VIRMA: variants seen among roughly 807,000 people sequenced by gnomAD.
The protein encoded by VIRMA is vir like m6A methyltransferase associated, also known as protein virilizer homolog.
A neutral mutation model predicts 182.4 loss-of-function variants in VIRMA; 65 were observed. The ratio of observed to expected loss-of-function variants is 0.36; its 90% CI spans 0.29 to 0.44. The LOEUF (loss-of-function observed/expected upper bound fraction) is 0.44, where lower values mean the gene tolerates loss of function less well. Ranked by LOEUF, VIRMA falls within the 20% of genes least tolerant of loss-of-function variation. The pLI is 1.00. For missense variants in VIRMA, 1,752 were observed against 2,158.1 expected, an observed-to-expected ratio of 0.81 and a Z score of 3.73; for synonymous variants, 709 against 743.1, an observed-to-expected ratio of 0.95 and a Z score of 0.75.
chr8:94,524,311 T>A (rs199574858), intron 8 of VIRMA, among the ~76,000 whole-genome samples: 8,604 of 150,366 alleles, frequency 0.057, 282 homozygotes, highest in South Asian at 0.09. Context: ...TGTTTGTTTG[T>A]TTGTTTGTTT....
At chr8:94,515,014 T>A in intron 10 of VIRMA, 63 bp from the exon 11 acceptor site, 1 of 841,460 alleles carries the variant, frequency 1.2e-6, no homozygotes, top group Non-Finnish European at 1.8e-6. Flanking sequence ...AGAAAGTAAA[T>A]ATTTTTTCCA....
At chr8:94,518,677 C>T (rs1232797222) in intron 9 of VIRMA, among the ~76,000 whole-genome samples, 1 of 152,190 alleles carries the variant, frequency 6.6e-6, no homozygotes. Context: ...GGAATATATA[C>T]CTTAAGGTAC....
intron 1 of VIRMA, among the ~76,000 whole-genome samples, chr8:94,549,665 T>C (rs750129549): frequency 1.3e-5 from 2 of 152,210 alleles, no homozygotes; most frequent in Non-Finnish European, 2.9e-5. Flanking sequence ...GTAGTTCCAC[T>C]GGGACACAGC....
chr8:94,553,437 T>C lies in VIRMA; in HGVS notation c.11A>G (p.Asp4Gly), dbSNP rs368348250. The C allele has an allele frequency of 1.2e-6, 2 of 1,613,876 alleles. No homozygotes were observed. Among genetic ancestry groups the C allele is most frequent in the South Asian group, 1.1e-5 (1 of 91,056 alleles). MAV[D>G]SAMELLFLDT... ...TAAAAATAACAGCTCCATCGCCGAG[T>C]CCACCGCCATGTTTGCCGCGGGCGG... The change falls in exon 1 of 24, where the codon GAC becomes GGC. Residue 4 changes from aspartate to glycine, a missense_variant. Physicochemically the swap from Asp to Gly is moderately conservative, Grantham distance 94. Around this residue, in one of 11 missense-constraint regions of VIRMA, gnomAD observed 195 missense variants for 191.7 expected, o/e 1.02. Transcript: ENST00000297591.
At chr8:94,490,980 G>GT (rs1336431818) in intron 22 of VIRMA, among the ~76,000 whole-genome samples, 4 of 151,958 alleles carry the variant, frequency 2.6e-5, no homozygotes, top group Non-Finnish European at 5.9e-5. Flanking sequence ...TGAAAATAAT[G>GT]TAAGGGTATT....
At chr8:94,496,670 CA>C in intron 17 of VIRMA, 190 bp from the exon 18 acceptor site, 2 of 452,180 alleles carry the variant, frequency 4.4e-6, no homozygotes, top group Non-Finnish European at 7.7e-6. Context: ...GTAAGACTCA[CA>C]AAATATTTAA....
chr8:94,510,522 T>A lies in VIRMA; in HGVS notation c.3521A>T (p.Gln1174Leu). The stretch of plus-strand genomic sequence containing the variant: ...AACACAAATACGCCGTAACATATGT[T>A]GAATGGGCTGGCAGGTTGTGCCAGA... ...SFSGTTCQPI[Q>L]HMLRRICVQL... Residue 1174 changes from glutamine (Q) to leucine (L), a missense_variant, in exon 14 of 24, where the codon CAA becomes CTA. By Grantham distance (113) the Gln-to-Leu change is moderately radical (BLOSUM62 -2). Around this residue, in one of 11 missense-constraint regions of VIRMA, gnomAD observed 777 missense variants for 920.6 expected, o/e 0.84. Coordinates refer to ENST00000297591, the MANE Select transcript of VIRMA (RefSeq NM_015496.5). 6.2e-7 allele frequency: 1 copy of A among 1,614,160 alleles called. No homozygotes were observed. The highest frequency in any genetic ancestry group is 8.5e-7 in the Non-Finnish European group (1 of 1,180,022).
At chr8:94,494,830 T>C in intron 20 of VIRMA, 30 bp downstream of exon 20, 6 of 1,244,422 alleles carry the variant, frequency 4.8e-6, no homozygotes, top group Non-Finnish European at 6.9e-6. Context: ...AACAATAACG[T>C]TTTTCTAAAT....
intron 17 of VIRMA, 190 bp from the exon 18 acceptor site, chr8:94,496,670 C>T (rs1813791085): frequency 2.2e-6 from 1 of 452,180 alleles, no homozygotes; most frequent in Non-Finnish European, 3.8e-6. Flanking sequence ...GTAAGACTCA[C>T]AAAATATTTA....
chr8:94,510,463 G>T lies in VIRMA; in HGVS notation c.3580C>A (p.Leu1194Met). 2 of 1,614,064 alleles carry T rather than the reference G, an allele frequency of 1.2e-6. No individual in the cohort carries two copies. Among genetic ancestry groups the T allele is most frequent in the Non-Finnish European group, 1.7e-6 (2 of 1,179,974 alleles). Residue 1194 changes from leucine to methionine, a missense_variant, in exon 14 of 24, where the codon CTG becomes ATG. By Grantham distance (15) the Leu-to-Met change is conservative. This residue lies in a region of VIRMA where 777 missense variants were observed against 920.6 expected (regional missense o/e 0.84). Coordinates refer to ENST00000297591, the MANE Select transcript of VIRMA (RefSeq NM_015496.5). ...AAATCCAACACAGTTCTCATAATCAGAAGTGCAGTTGGTGAGGCAAGGTCA... is the reference window on the plus strand; with the variant it reads ...AAATCCAACACAGTTCTCATAATCATAAGTGCAGTTGGTGAGGCAAGGTCA... Reference protein sequence around the residue: ...LCDLASPTALLIMRTVLDLIV... With the variant: ...LCDLASPTALMIMRTVLDLIV...
At chr8:94,509,996 T>A in intron 14 of VIRMA, 56 bp from the exon 15 acceptor site, 1 of 1,463,018 alleles carries the variant, frequency 6.8e-7, no homozygotes, top group Non-Finnish European at 9.2e-7. Flanking sequence ...AGGCATTGTT[T>A]AACTAGTATT....
At chr8:94,544,360 C>T (rs914885828) in intron 1 of VIRMA, among the ~76,000 whole-genome samples, 4 of 152,082 alleles carry the variant, frequency 2.6e-5, no homozygotes, top group African/African-American at 7.2e-5. Flanking sequence ...TGCAGCCACA[C>T]GTATCAACAT....
At chr8:94,528,888 CA>C (rs1392982512) in intron 7 of VIRMA, among the ~76,000 whole-genome samples, 181 bp downstream of exon 7, 1 of 152,232 alleles carries the variant, frequency 6.6e-6, no homozygotes, top group Admixed American at 6.5e-5. Flanking sequence ...TTAAAGTAAA[CA>C]CACAAAGCAG....
chr8:94,507,691 T>G (rs970801086), intron 15 of VIRMA, among the ~76,000 whole-genome samples: 16 of 151,224 alleles, frequency 1.1e-4, no homozygotes, highest in Non-Finnish European at 1.5e-4. Context: ...GAGGCGGAGG[T>G]TGCACTGAGC....
intron 15 of VIRMA, among the ~76,000 whole-genome samples, chr8:94,507,827 T>A (rs540447743): frequency 1.3e-5 from 2 of 151,516 alleles, no homozygotes; most frequent in Non-Finnish European, 2.9e-5. Context: ...ATAGAGGAGA[T>A]GAACATTTAA....
At chr8:94,521,187 C>T (rs1814753968) in intron 8 of VIRMA, among the ~76,000 whole-genome samples, 2 of 152,092 alleles carry the variant, frequency 1.3e-5, no homozygotes, top group Non-Finnish European at 1.5e-5. Flanking sequence ...GCTATTTTTC[C>T]TGATGCTCTC....
chr8:94,512,935 A>G (rs1814427883), intron 11 of VIRMA, among the ~76,000 whole-genome samples: 1 of 152,196 alleles, frequency 6.6e-6, no homozygotes, highest in Non-Finnish European at 1.5e-5. Flanking sequence ...TTAGAGGAAA[A>G]ACAAATACAA....
intron 11 of VIRMA, among the ~76,000 whole-genome samples, chr8:94,514,012 TA>T (rs1482148183): frequency 6.6e-6 from 1 of 152,128 alleles, no homozygotes; most frequent in Non-Finnish European, 1.5e-5. Flanking sequence ...AGCAACAAAT[TA>T]AACAATATAC....
intron 16 of VIRMA, among the ~76,000 whole-genome samples, chr8:94,500,980 T>C (rs184049085): frequency 1.0e-3 from 154 of 152,140 alleles, no homozygotes; most frequent in Admixed American, 1.9e-3. Context: ...GCGCAGTGGC[T>C]CATGACTGTA....
Sources: allele counts gnomAD v4.1 joint callset (sites outside exome capture counted in the v4.1 genomes callset), GRCh38; gene constraint gnomAD v4.1.1; regional missense constraint gnomAD v4.1.1; transcripts MANE v1.5; gene names NCBI Gene and HGNC (gene_info 2026-07-23, HGNC 2026-07-21).